Variants in GREB1L observed in about 807,000 individuals in gnomAD.
GREB1L encodes GREB1 like retinoic acid receptor coactivator.
Under a neutral mutation model 200.8 loss-of-function variants are expected in GREB1L, and 17 were observed. The observed-to-expected ratio is 0.08, with a 90% CI of 0.06 to 0.13. GREB1L has a LOEUF of 0.13. Ranked by LOEUF, GREB1L falls within the 10% of genes least tolerant of loss-of-function variation. The pLI, the probability that GREB1L is intolerant of heterozygous loss-of-function variation, is 1.00. For synonymous variants in GREB1L, 789 were observed against 893.0 expected (o/e 0.88, Z 2.08); for missense variants, 1,657 against 2,367.7 (o/e 0.70, Z 6.23).
At chr18:21,482,200 C>A (rs2035947083) in intron 17 of GREB1L, among the ~76,000 whole-genome samples, 1 of 152,124 alleles carries the variant, frequency 6.6e-6, no homozygotes, top group Non-Finnish European at 1.5e-5. Flanking sequence ...AGAGAAGAAC[C>A]AGAAATATTT....
chr18:21,500,320 A>T lies in GREB1L; in HGVS notation c.3969+14A>T. On this transcript the variant is annotated intron_variant, in intron 22 of 32. Coordinates refer to ENST00000424526, the MANE Select transcript of GREB1L (RefSeq NM_001142966.3). ...GGGCCCCCACAGGTAGGGCCAAGCC[A>T]GCCGGGGCCGTTTCTTAGGCTGGGG... 1 of 1,092,070 alleles carries T rather than the reference A, an allele frequency of 9.2e-7. No homozygotes were observed. Among genetic ancestry groups the T allele is most frequent in the South Asian group, 1.4e-5 (1 of 73,970 alleles). 67.6% of individuals were successfully genotyped at this position (1,092,070 alleles called of 1,614,324 possible).
chr18:21,334,616 C>A (rs1186821041), intron 1 of GREB1L, among the ~76,000 whole-genome samples: 1 of 151,554 alleles, frequency 6.6e-6, no homozygotes. Flanking sequence ...CAAACAACAA[C>A]AAAAAAAATT....
At chr18:21,413,059 A>G (rs1474429976) in intron 7 of GREB1L, among the ~76,000 whole-genome samples, 1 of 152,166 alleles carries the variant, frequency 6.6e-6, no homozygotes, top group East Asian at 1.9e-4. Context: ...GTGGGCAGGA[A>G]CAACTCTAAA....
intron 4 of GREB1L, among the ~76,000 whole-genome samples, chr18:21,385,161 G>A (rs990023837): frequency 2.0e-5 from 3 of 152,116 alleles, no homozygotes; most frequent in Non-Finnish European, 4.4e-5. Flanking sequence ...CGATTAGCCA[G>A]AGTATTGTTC....
At chr18:21,494,239 G>A (rs555590938) in intron 19 of GREB1L, among the ~76,000 whole-genome samples, 3 of 152,104 alleles carry the variant, frequency 2.0e-5, no homozygotes, top group East Asian at 1.9e-4. Context: ...GAACAGTTAC[G>A]TAGATTCCCT....
chr18:21,368,189 A>G (rs1181932511), intron 2 of GREB1L, among the ~76,000 whole-genome samples: 3 of 152,214 alleles, frequency 2.0e-5, no homozygotes, highest in Admixed American at 1.3e-4. Flanking sequence ...ACTCGTGTTA[A>G]AGGAACATAC....
rs879829659 is a variant in GREB1L at position 21,341,352 on chromosome 18, G to T, written c.-119-24675G>T. 3.3e-5 allele frequency among the ~76,000 whole-genome samples: 5 copies of T among 152,096 alleles called. No homozygotes were observed. The East Asian group carries it at 9.6e-4, about 29-fold the overall frequency. On this transcript the variant is annotated intron_variant, in intron 1 of 32. Transcript: ENST00000424526. ...AGTTGAAAGTTTGTGGTGGGGAGCC[G>T]TGCCTCTCATCTGCAATCATCTTGA...
intron 18 of GREB1L, among the ~76,000 whole-genome samples, chr18:21,486,580 C>T (rs2036138052): frequency 6.6e-6 from 1 of 152,082 alleles, no homozygotes; most frequent in Admixed American, 6.6e-5. Context: ...GCTCCTCCTC[C>T]AGTCCCTGGC....
chr18:21,483,584 GA>G (rs952696085), intron 17 of GREB1L, among the ~76,000 whole-genome samples: 4 of 151,990 alleles, frequency 2.6e-5, no homozygotes, highest in Admixed American at 6.6e-5. Flanking sequence ...TTTTGGGGGG[GA>G]CCTCAAAAAA....
intron 4 of GREB1L, among the ~76,000 whole-genome samples, chr18:21,392,862 C>T (rs1409055959): frequency 6.6e-6 from 1 of 152,078 alleles, no homozygotes; most frequent in African/African-American, 2.4e-5. Flanking sequence ...ACCTCTGCCT[C>T]CCTAGCTCAA....
intron 1 of GREB1L, among the ~76,000 whole-genome samples, chr18:21,328,077 C>T (rs2039051071): frequency 1.3e-5 from 2 of 152,176 alleles, no homozygotes; most frequent in African/African-American, 4.8e-5. Context: ...CATAAAGCTA[C>T]ACCTACTTCT....
rs573728859 is a variant in GREB1L at position 21,269,563 on chromosome 18, T to G, written c.-120+27170T>G. On this transcript the variant is annotated intron_variant, in intron 1 of 32. Transcript: ENST00000424526. Reference sequence around the variant, plus strand: ...AACAAGTGCTTTCTGCCAGTAGGAATGAAAATACAAGGCCTATGGAAAAAA... The same window carrying G: ...AACAAGTGCTTTCTGCCAGTAGGAAGGAAAATACAAGGCCTATGGAAAAAA... Among the ~76,000 whole-genome samples the G allele has an allele frequency of 1.2e-4, 18 of 151,938 alleles. No individual in the cohort carries two copies. In the South Asian group the frequency reaches 3.1e-3, roughly 26 times the overall value.
At chr18:21,458,145 A>G (rs575617713) in intron 15 of GREB1L, among the ~76,000 whole-genome samples, 2 of 151,738 alleles carry the variant, frequency 1.3e-5, no homozygotes, top group South Asian at 4.2e-4. Context: ...ATTTTTTTGT[A>G]TTTTTAGTAG....
intron 19 of GREB1L, among the ~76,000 whole-genome samples, chr18:21,492,782 C>T (rs555548262): frequency 1.3e-5 from 2 of 152,088 alleles, no homozygotes; most frequent in African/African-American, 2.4e-5. Context: ...GCAACAAGTA[C>T]GTATAAGAGT....
rs57581407 is a variant in GREB1L, at chr18:21,430,194, G to A, written c.833-9327G>A. On this transcript the variant is annotated intron_variant, in intron 7 of 32. Transcript: ENST00000424526. ...ACATTCGAAGGTTTTAGGAATTGGG[G>A]CCTCAACATATGGATTGCGGGGAGA... Among the ~76,000 whole-genome samples the A allele has an allele frequency of 7.9e-3, 1,201 of 152,162 alleles. 20 individuals are homozygous for A. Among genetic ancestry groups the A allele is most frequent in the African/African-American group, 0.028 (1,156 of 41,516 alleles).
intron 7 of GREB1L, among the ~76,000 whole-genome samples, chr18:21,420,910 A>C (rs2032093710): frequency 6.6e-6 from 1 of 152,228 alleles, no homozygotes; most frequent in Admixed American, 6.5e-5. Flanking sequence ...TGAATGGATA[A>C]ATAAATTGAT....
chr18:21,394,747 A>G (rs1271750882), intron 4 of GREB1L, among the ~76,000 whole-genome samples: 3 of 152,058 alleles, frequency 2.0e-5, no homozygotes, highest in Non-Finnish European at 2.9e-5. Flanking sequence ...TGGAAGTAAA[A>G]TAATCGTATT....
Position 21,420,406 on chromosome 18 carries a change from A to T in GREB1L, c.832+16412A>T, listed in dbSNP as rs117689722. On this transcript the variant is annotated intron_variant, in intron 7 of 32. Coordinates refer to ENST00000424526, the MANE Select transcript of GREB1L (RefSeq NM_001142966.3). ...AAAAAAAGAAAAGAAAAGCCACAGG[A>T]TAGGAGAAAAATCTTTGCAAAGCAT... Among the ~76,000 whole-genome samples, 194 of 151,940 alleles carry T rather than the reference A, an allele frequency of 1.3e-3. 2 individuals are homozygous for T. The East Asian group carries it at 0.028, about 22-fold the overall frequency.
In GREB1L at chr18:21,524,099, G is replaced by C. The variant is rs533144830; in HGVS notation, c.*1278G>C. The C allele has an allele frequency of 1.3e-5, 2 of 152,250 alleles. No homozygotes were observed. The highest frequency in any genetic ancestry group is 3.9e-4 in the East Asian group (2 of 5,182). The allele number at this position is 152,250 out of a possible 1,614,324, so 9.4% of individuals were successfully genotyped here. On this transcript the variant is annotated 3_prime_UTR_variant, in exon 33 of 33. Coordinates refer to ENST00000424526, the MANE Select transcript of GREB1L (RefSeq NM_001142966.3). ...AGTTCTCATCATTGAACAATCTCTT[G>C]AGAGTTTTCTCATTAGCCCATATTT...
Sources: allele counts gnomAD v4.1 joint callset (sites outside exome capture counted in the v4.1 genomes callset), GRCh38; gene constraint gnomAD v4.1.1; transcripts MANE v1.5; gene names NCBI Gene and HGNC (gene_info 2026-07-23, HGNC 2026-07-21).